PKD1L1: variants seen among roughly 807,000 people sequenced by gnomAD.
PKD1L1 encodes polycystin-1-like protein 1.
Under a neutral mutation model 323.4 loss-of-function variants are expected in PKD1L1, and 236 were observed. That is an observed-to-expected ratio of 0.73 (90% confidence interval 0.66 to 0.81). The LOEUF is 0.81. Among genes scored for constraint, PKD1L1 ranks in the 40% least tolerant of loss-of-function variants. The probability of loss-of-function intolerance (pLI) is 0.00; values close to 1 mark genes in which losing one functional copy is unlikely to be tolerated. For missense variants in PKD1L1, 3,320 were observed against 3,508.0 expected (o/e 0.95, Z 1.35); for synonymous variants, 1,344 against 1,335.0 (o/e 1.01, Z -0.15).
chr7:47,818,020 T>C lies in PKD1L1; in HGVS notation c.6966-2563A>G, dbSNP rs1307032309. ...TTTATACATCTTTAGAACTTAATCT[T>C]TGCAGGTCTTTTATTGGGTGCTGGT... On this transcript the variant is annotated intron_variant, in intron 46 of 56. Coordinates refer to ENST00000289672, the MANE Select transcript of PKD1L1 (RefSeq NM_138295.5). 2.2e-6 allele frequency: 3 copies of C among 1,363,640 alleles called. No homozygotes were observed. In the Admixed American group the frequency reaches 5.8e-5, roughly 26 times the overall value. The allele number at this position is 1,363,640 out of a possible 1,614,324, so 84.5% of individuals were successfully genotyped here. A position where few individuals can be genotyped will look rare whatever the true frequency, so the allele number is the denominator to read the frequency against.
chr7:47,798,495 C>T (rs757357126), intron 54 of PKD1L1, among the ~76,000 whole-genome samples: 11 of 152,158 alleles, frequency 7.2e-5, no homozygotes, highest in Non-Finnish European at 1.2e-4. Context: ...CAGTGGCTCA[C>T]GTCTGTAATC....
intron 48 of PKD1L1, chr7:47,813,664 CTAGAATGCCAG>C (rs1784952241): frequency 1.5e-6 from 1 of 669,366 alleles, no homozygotes; most frequent in East Asian, 2.8e-5. Flanking sequence ...CTAGTTTTGC[CTAGAATGCCAG>C]TCTCTAAGGC....
At chr7:47,862,379 G>A (rs1437318011) in intron 26 of PKD1L1, among the ~76,000 whole-genome samples, 1 of 152,054 alleles carries the variant, frequency 6.6e-6, no homozygotes, top group Non-Finnish European at 1.5e-5. Context: ...GATGAGGAGG[G>A]GAGACTCAGG....
intron 13 of PKD1L1, among the ~76,000 whole-genome samples, chr7:47,901,679 A>T (rs2128750545): frequency 6.6e-6 from 1 of 152,292 alleles, no homozygotes; most frequent in South Asian, 2.1e-4. Flanking sequence ...CCCTTTCCGG[A>T]TTGCCCCGGG....
rs372911939 is a variant in PKD1L1 at position 47,892,134 on chromosome 7, C to T, written c.2454-1371G>A. On this transcript the variant is annotated intron_variant, in intron 15 of 56. Transcript: ENST00000289672. ...TGACCATAGTAAGTGAGCAAAGGCT[C>T]GATGTCAAGGGTGACTACTGTGAAG... 6.4e-4 allele frequency among the ~76,000 whole-genome samples: 98 copies of T among 152,200 alleles called. 1 individual carries two copies. The South Asian group carries it at 0.019, about 29-fold the overall frequency.
intron 16 of PKD1L1, among the ~76,000 whole-genome samples, chr7:47,890,117 C>G (rs1240420398): frequency 1.3e-5 from 2 of 152,178 alleles, no homozygotes; most frequent in African/African-American, 4.8e-5. Flanking sequence ...ACAACTGGGC[C>G]CACACTGCTG....
At chr7:47,797,581 T>G (rs920456230) in intron 54 of PKD1L1, among the ~76,000 whole-genome samples, 1 of 152,182 alleles carries the variant, frequency 6.6e-6, no homozygotes, top group Non-Finnish European at 1.5e-5. Flanking sequence ...CAATATTGCC[T>G]GCCTGTCTCA....
chr7:47,897,685 A>G (rs1786986572), intron 14 of PKD1L1, among the ~76,000 whole-genome samples: 1 of 152,170 alleles, frequency 6.6e-6, no homozygotes, highest in South Asian at 2.1e-4. Flanking sequence ...GCAGGGCCAC[A>G]CATTCTCCTG....
Position 47,814,022 on chromosome 7 carries a change from G to C in PKD1L1, c.7090-8C>G. The C allele has an allele frequency of 6.2e-7, 1 of 1,612,088 alleles. No homozygotes were observed. The highest frequency in any genetic ancestry group is 1.1e-5 in the South Asian group (1 of 90,996). ...TCCTCCAAGAGCTCCAGGCTGAAAGGAGAAAAAAGATGATGAGGACTGGGT... is the reference window on the plus strand; with the variant it reads ...TCCTCCAAGAGCTCCAGGCTGAAAGCAGAAAAAAGATGATGAGGACTGGGT... On this transcript the variant is annotated splice_polypyrimidine_tract_variant and splice_region_variant and intron_variant, in intron 47 of 56. Coordinates refer to ENST00000289672, the MANE Select transcript of PKD1L1 (RefSeq NM_138295.5).
At chr7:47,880,282 A>ATTTTTT (rs1309864473) in intron 21 of PKD1L1, among the ~76,000 whole-genome samples, 3 of 69,742 alleles carry the variant, frequency 4.3e-5, no homozygotes, top group East Asian at 3.1e-4. Flanking sequence ...ATATATATAT[A>ATTTTTT]TATTTTTTTT....
intron 56 of PKD1L1, among the ~76,000 whole-genome samples, chr7:47,788,155 A>C (rs1786854719): frequency 6.6e-6 from 1 of 152,004 alleles, no homozygotes; most frequent in African/African-American, 2.4e-5. Flanking sequence ...ATTTTTATTA[A>C]GAATATGTTT....
chr7:47,778,611 C>T (rs770893721), intron 56 of PKD1L1, among the ~76,000 whole-genome samples: 9 of 152,186 alleles, frequency 5.9e-5, no homozygotes, highest in Non-Finnish European at 1.0e-4. Flanking sequence ...GATTTACCAA[C>T]TTCCAGTGTG....
intron 21 of PKD1L1, among the ~76,000 whole-genome samples, chr7:47,880,386 A>G (rs1436552397): frequency 6.9e-6 from 1 of 144,580 alleles, no homozygotes; most frequent in East Asian, 2.1e-4. Context: ...GGTTCACGCC[A>G]TTCTCCTGCC....
chr7:47,838,747 G>T (rs974933211), intron 36 of PKD1L1, among the ~76,000 whole-genome samples: 3 of 151,814 alleles, frequency 2.0e-5, no homozygotes, highest in African/African-American at 7.3e-5. Context: ...GCATGGTGGC[G>T]TGTGCCTGTA....
rs1785675721 is a variant in PKD1L1 at position 47,846,881 on chromosome 7, G to A, written c.5151C>T (p.Cys1717=). ...QPGTSPEKVN[C]SYHRLAAFAL... ...TTCTTTCTCAAATGTGTCTATACCT[G>A]CAGTTCACTTTTTCAGGAGAAGTCC... Residue 1717 remains cysteine (C), a splice_region_variant and synonymous_variant, in exon 32 of 57, where the codon TGC becomes TGT. Transcript: ENST00000289672. The A allele has an allele frequency of 6.2e-7, 1 of 1,602,780 alleles. No homozygotes were observed. The highest frequency in any genetic ancestry group is 1.8e-5 in the Admixed American group (1 of 57,002).
rs766394331 is a variant in PKD1L1, at chr7:47,845,106, A to G, written c.5154-28T>C. 6.9e-6 allele frequency: 11 copies of G among 1,591,542 alleles called. 1 individual carries two copies. In the South Asian group the frequency reaches 1.0e-4, roughly 14 times the overall value. On this transcript the variant is annotated intron_variant, in intron 32 of 56. Transcript: ENST00000289672. ...AGGAGGGAAATGCGGATGAGGATAC[A>G]GAATGTGTGGAGAGAGCAGCTGTTG... is the stretch of plus-strand genomic sequence containing the variant.
chr7:47,811,702 C>G, intron 50 of PKD1L1, 115 bp downstream of exon 50: 1 of 782,028 alleles, frequency 1.3e-6, no homozygotes, highest in Non-Finnish European at 2.1e-6. Flanking sequence ...AGAGTGTGAC[C>G]GGAGGGGCAG....
chr7:47,813,639 G>GT (rs1024045048), intron 48 of PKD1L1: 1 of 665,766 alleles, frequency 1.5e-6, no homozygotes, highest in Non-Finnish European at 2.8e-6. Flanking sequence ...TTTTTAGATT[G>GT]TTTGATTAAA....
At chr7:47,854,737 G>C in intron 30 of PKD1L1, 145 bp downstream of exon 30, 1 of 1,027,892 alleles carries the variant, frequency 9.7e-7, no homozygotes, top group South Asian at 1.5e-5. Flanking sequence ...CATCCAAACA[G>C]CAGAATAGAT....
Sources: allele counts gnomAD v4.1 joint callset (sites outside exome capture counted in the v4.1 genomes callset), GRCh38; gene constraint gnomAD v4.1.1; transcripts MANE v1.5; gene names NCBI Gene and HGNC (gene_info 2026-07-23, HGNC 2026-07-21).